The following PTPRG variants were observed in gnomAD, a reference collection of about 807,000 sequenced individuals.
PTPRG encodes receptor-type tyrosine-protein phosphatase gamma.
A neutral mutation model predicts 165.3 loss-of-function variants in PTPRG; 102 were observed. The observed-to-expected ratio is 0.62, with a 90% CI of 0.53 to 0.73. The LOEUF is 0.73. PTPRG is among the 30% of genes least tolerant of loss of function. The pLI is 0.00. For missense variants in PTPRG, 1,866 were observed against 1,861.4 expected (o/e 1.00, Z -0.05); for synonymous variants, 675 against 669.5 (o/e 1.01, Z -0.13).
At chr3:62,098,934 G>C (rs1013941146) in intron 5 of PTPRG, among the ~76,000 whole-genome samples, 1 of 152,194 alleles carries the variant, frequency 6.6e-6, no homozygotes, top group Non-Finnish European at 1.5e-5. Context: ...TGAAGTGTAG[G>C]ATGTTTTAGA....
rs1701432513 is a variant in PTPRG at position 62,252,123 on chromosome 3, ACTG to A, written c.2468-2999_2468-2997del. Among the ~76,000 whole-genome samples, 1 of 152,022 alleles carries A rather than the reference ACTG, an allele frequency of 6.6e-6. No homozygotes were observed. Among genetic ancestry groups the A allele is most frequent in the East Asian group, 1.9e-4 (1 of 5,202 alleles). ...CCTTTATGCTTCTCCCACCACCACC[ACTG>A]CATCAGTGACATTTACTCCCACTGT... On this transcript the variant is annotated intron_variant, in intron 15 of 29. Transcript: ENST00000474889. This position sits in a 1 kb window ranked among gnomAD's most constrained non-coding sequence, Gnocchi z 4.6.
At chr3:61,923,823 ACTGTGCCCGG>A (rs982772653) in intron 2 of PTPRG, among the ~76,000 whole-genome samples, 2 of 150,020 alleles carry the variant, frequency 1.3e-5, no homozygotes, top group African/African-American at 4.9e-5. Context: ...AGCATGAGCC[ACTGTGCCCGG>A]CTTTGTTGGT....
chr3:61,836,465 TG>T (rs1419499501), intron 2 of PTPRG, among the ~76,000 whole-genome samples: 1 of 152,200 alleles, frequency 6.6e-6, no homozygotes. Flanking sequence ...TCCTGTCTCC[TG>T]GAGGCCAGCT....
chr3:61,845,001 G>A (rs1307695299), intron 2 of PTPRG, among the ~76,000 whole-genome samples: 1 of 152,194 alleles, frequency 6.6e-6, no homozygotes. Flanking sequence ...TCTTATTACA[G>A]TGCTTGGCAC....
intron 2 of PTPRG, among the ~76,000 whole-genome samples, chr3:61,955,564 G>T (rs1452038691): frequency 6.6e-6 from 1 of 152,082 alleles, no homozygotes; most frequent in African/African-American, 2.4e-5. Flanking sequence ...TGTATGCTTG[G>T]ATCCTGAGCA....
chr3:62,278,726 TCTGTATGATGGAATGG>T (rs1294775628), intron 26 of PTPRG, among the ~76,000 whole-genome samples: 1 of 152,036 alleles, frequency 6.6e-6, no homozygotes, highest in East Asian at 1.9e-4. Flanking sequence ...CAAGACTGCT[TCTGTATGATGGAATGG>T]CAACAAAGTT....
At chr3:62,033,404 C>A (rs12496527) in intron 4 of PTPRG, among the ~76,000 whole-genome samples, 20,275 of 147,498 alleles carry the variant, frequency 0.14, 1,663 homozygotes, top group Admixed American at 0.23. Context: ...CACTCTGTTG[C>A]CCAGGCTAGA....
chr3:62,074,213 A>G lies in PTPRG; in HGVS notation c.520-3950A>G, dbSNP rs908233714. Among the ~76,000 whole-genome samples the G allele has an allele frequency of 6.6e-4, 61 of 93,074 alleles. 1 individual carries two copies. The highest frequency in any genetic ancestry group is 3.0e-3 in the South Asian group (8 of 2,640). 61.1% of individuals were successfully genotyped at this position (93,074 alleles called of 152,430 possible). A position where few individuals can be genotyped will look rare whatever the true frequency, so the allele number is the denominator to read the frequency against. ...TGTGTGTGTGTGTGTGTGTGTGTGT[A>G]TACAGAGAGAGCGCAAAAGAGGTAT... On this transcript the variant is annotated intron_variant, in intron 4 of 29. Transcript: ENST00000474889.
rs1301446202 is a variant in PTPRG at position 62,276,975 on chromosome 3, A to C, written c.3563A>C (p.Glu1188Ala). The change falls in exon 25 of 30, where the codon GAG becomes GCG. Residue 1188 changes from glutamate (E) to alanine (A), a missense_variant. Glu to Ala is a moderately radical substitution (Grantham distance 107, BLOSUM62 -1). This residue lies in a region of PTPRG where 1,452 missense variants were observed against 1,463.0 expected (regional missense o/e 0.99). Coordinates refer to ENST00000474889, the MANE Select transcript of PTPRG (RefSeq NM_002841.4). Reference sequence around the variant, plus strand: ...TTTTGTTTTTTCCATATGATAGCTGAGCGTGCTCGAGTGGGTCTTGCACCA... The same window carrying C: ...TTTTGTTTTTTCCATATGATAGCTGCGCGTGCTCGAGTGGGTCTTGCACCA... ...KNRNSSVVPS[E>A]RARVGLAPLP... The C allele has an allele frequency of 2.5e-6, 4 of 1,612,854 alleles. No individual in the cohort carries two copies. The highest frequency in any genetic ancestry group is 3.4e-6 in the Non-Finnish European group (4 of 1,179,200).
chr3:62,154,749 A>C (rs755422614), intron 6 of PTPRG, among the ~76,000 whole-genome samples: 2 of 152,130 alleles, frequency 1.3e-5, no homozygotes, highest in African/African-American at 4.8e-5. Context: ...TCTGAGGGGA[A>C]AACTCTTCTG....
intron 2 of PTPRG, among the ~76,000 whole-genome samples, chr3:61,851,687 G>A (rs1228279702): frequency 6.6e-6 from 1 of 152,140 alleles, no homozygotes; most frequent in African/African-American, 2.4e-5. Flanking sequence ...CCTGAGAATT[G>A]TCATGAGGAG....
intron 4 of PTPRG, among the ~76,000 whole-genome samples, chr3:62,018,479 G>C (rs551012201): frequency 6.6e-6 from 1 of 152,260 alleles, no homozygotes; most frequent in South Asian, 2.1e-4. Context: ...GTAGGCTTCA[G>C]GGGTGTCACC....
chr3:62,212,565 T>C (rs372191216), intron 12 of PTPRG, among the ~76,000 whole-genome samples: 4 of 152,110 alleles, frequency 2.6e-5, no homozygotes, highest in African/African-American at 9.7e-5. Flanking sequence ...TGCAGACTCA[T>C]TGGGTCAGAG....
intron 6 of PTPRG, among the ~76,000 whole-genome samples, chr3:62,155,642 GTCT>G (rs1704506924): frequency 6.6e-6 from 1 of 152,216 alleles, no homozygotes; most frequent in African/African-American, 2.4e-5. Context: ...TCAATGTTAA[GTCT>G]TCTTCAACTA....
chr3:61,647,807 A>AAAAAAAT (rs926830781), intron 1 of PTPRG, among the ~76,000 whole-genome samples: 6 of 142,800 alleles, frequency 4.2e-5, no homozygotes, highest in African/African-American at 1.5e-4. Context: ...AAAAAAAAAA[A>AAAAAAAT]AAAAGAGTTA....
At chr3:61,776,149 C>A (rs924173741) in intron 2 of PTPRG, among the ~76,000 whole-genome samples, 1 of 151,342 alleles carries the variant, frequency 6.6e-6, no homozygotes, top group African/African-American at 2.4e-5. Flanking sequence ...GTTGGTCTGA[C>A]CCCTCCCACA....
At chr3:62,206,923 A>AAAAAAAAAAAAAAAAC in intron 12 of PTPRG, among the ~76,000 whole-genome samples, 3 of 131,962 alleles carry the variant, frequency 2.3e-5, no homozygotes, top group African/African-American at 1.0e-4. Context: ...AAAAAAAAAA[A>AAAAAAAAAAAAAAAAC]AAAAAAAAAA....
chr3:61,914,708 T>C (rs1300830295), intron 2 of PTPRG, among the ~76,000 whole-genome samples: 1 of 152,172 alleles, frequency 6.6e-6, no homozygotes, highest in Non-Finnish European at 1.5e-5. Context: ...AATTACAATA[T>C]TGACCCATAT....
intron 1 of PTPRG, among the ~76,000 whole-genome samples, chr3:61,592,464 A>G (rs1700595004): frequency 6.6e-6 from 1 of 152,104 alleles, no homozygotes; most frequent in Admixed American, 6.6e-5. Flanking sequence ...GGGGGAAAAA[A>G]GGACTGAATT....
Sources: gnomAD v4.1 joint callset for allele counts (sites outside exome capture counted in the v4.1 genomes callset) on GRCh38, gnomAD v4.1.1 for gene constraint, gnomAD v4.1.1 regional missense constraint, Gnocchi (gnomAD v3.1) non-coding constraint, MANE v1.5 for transcripts, NCBI Gene and HGNC (gene_info 2026-07-23, HGNC 2026-07-21) for gene names.